Variants in PARD3B observed in about 807,000 individuals in gnomAD.
PARD3B encodes par-3 family cell polarity regulator beta.
In PARD3B, 103 loss-of-function variants were observed where a neutral mutation model predicts 130.2. That is an observed-to-expected ratio of 0.79 (90% confidence interval 0.67 to 0.93). The LOEUF (loss-of-function observed/expected upper bound fraction) is 0.93, where lower values mean the gene tolerates loss of function less well. PARD3B is among the 40% of genes least tolerant of loss of function. The pLI, the probability that PARD3B is intolerant of heterozygous loss-of-function variation, is 0.00. For synonymous variants in PARD3B, 583 were observed against 553.2 expected, an observed-to-expected ratio of 1.05 and a Z score of -0.76; for missense variants, 1,609 against 1,499.2, an observed-to-expected ratio of 1.07 and a Z score of -1.21.
At chr2:204,825,793 C>T (rs2043546936) in intron 2 of PARD3B, among the ~76,000 whole-genome samples, 1 of 152,202 alleles carries the variant, frequency 6.6e-6, no homozygotes, top group South Asian at 2.1e-4. Context: ...TCATCCTAAT[C>T]CAGCTGAGGA....
intron 2 of PARD3B, among the ~76,000 whole-genome samples, chr2:204,822,236 A>G (rs1347545553): frequency 6.6e-6 from 1 of 152,208 alleles, no homozygotes. Context: ...GATGTGGTAG[A>G]AATAGCAAGA....
chr2:204,847,734 C>T lies in PARD3B; in HGVS notation c.223-117418C>T, dbSNP rs539358742. Reference sequence around the variant, plus strand: ...AAGTAACCCTCATTTTACTTAATAACGTCCCTGAAGCATAAGTGTAGTGTT... The same window carrying T: ...AAGTAACCCTCATTTTACTTAATAATGTCCCTGAAGCATAAGTGTAGTGTT... On this transcript the variant is annotated intron_variant, in intron 2 of 22. Transcript: ENST00000406610. Among the ~76,000 whole-genome samples the T allele has an allele frequency of 3.5e-4, 54 of 152,194 alleles. 1 individual carries two copies. Among genetic ancestry groups the T allele is most frequent in the African/African-American group, 1.3e-3 (52 of 41,546 alleles).
chr2:205,391,748 C>A (rs559783136), intron 18 of PARD3B, among the ~76,000 whole-genome samples: 1 of 152,258 alleles, frequency 6.6e-6, no homozygotes, highest in South Asian at 2.1e-4. Flanking sequence ...TTTTTAGAGT[C>A]CCTGTTTGGA....
chr2:205,380,244 TTA>T (rs1298551512), intron 18 of PARD3B, among the ~76,000 whole-genome samples: 1 of 68,466 alleles, frequency 1.5e-5, no homozygotes, highest in Non-Finnish European at 2.6e-5. Context: ...AGAATATATA[TTA>T]TATATAATAT....
chr2:204,830,498 A>ATAATGTTTATATAGTGAAGAAGAT (rs2043776931), intron 2 of PARD3B, among the ~76,000 whole-genome samples: 2 of 152,366 alleles, frequency 1.3e-5, no homozygotes, highest in East Asian at 3.9e-4. Flanking sequence ...GAAAATTAGC[A>ATAATGTTTATATAGTGAAGAAGAT]TAATGTTTAT....
At chr2:204,796,307 AAT>A (rs1488522065) in intron 2 of PARD3B, among the ~76,000 whole-genome samples, 8 of 152,216 alleles carry the variant, frequency 5.3e-5, no homozygotes, top group Non-Finnish European at 1.2e-4. Context: ...AAGCAGGGAA[AAT>A]ATCATAGATG....
intron 20 of PARD3B, among the ~76,000 whole-genome samples, chr2:205,488,073 G>A (rs979827160): frequency 2.6e-5 from 4 of 151,980 alleles, no homozygotes; most frequent in African/African-American, 9.7e-5. Context: ...TTGGACCGTC[G>A]AGTCCTTTGA....
intron 18 of PARD3B, among the ~76,000 whole-genome samples, chr2:205,355,705 C>A (rs910962758): frequency 6.6e-6 from 1 of 152,090 alleles, no homozygotes; most frequent in Non-Finnish European, 1.5e-5. Context: ...TATAAAAAAA[C>A]TGCCCAAGAC....
Position 205,440,807 on chromosome 2 carries a change from T to A in PARD3B, c.3044+135T>A. On this transcript the variant is annotated intron_variant, in intron 20 of 22. Coordinates refer to ENST00000406610, the MANE Select transcript of PARD3B (RefSeq NM_001302769.2). This position sits in a 1 kb window ranked among gnomAD's most constrained non-coding sequence, Gnocchi z 4.2. ...GAGTCAGTACCCTAGACAAGTGCCA[T>A]CCTTTGACCGACCTGTAAGATATCC... 2.2e-6 allele frequency: 2 copies of A among 891,622 alleles called. No homozygotes were observed. The highest frequency in any genetic ancestry group is 3.4e-6 in the Non-Finnish European group (2 of 596,844). 55.2% of individuals were successfully genotyped at this position (891,622 alleles called of 1,614,324 possible).
intron 1 of PARD3B, among the ~76,000 whole-genome samples, chr2:204,626,859 C>A (rs1224027671): frequency 6.6e-6 from 1 of 151,954 alleles, no homozygotes; most frequent in Non-Finnish European, 1.5e-5. Flanking sequence ...CACAGGAACA[C>A]CCAAATGCCC....
Position 205,309,100 on chromosome 2 carries a change from G to C in PARD3B, c.2630+7399G>C, listed in dbSNP as rs2042287213. On this transcript the variant is annotated intron_variant, in intron 18 of 22. Coordinates refer to ENST00000406610, the MANE Select transcript of PARD3B (RefSeq NM_001302769.2). This position sits in a 1 kb window ranked among gnomAD's most constrained non-coding sequence, Gnocchi z 4.7. ...TTTTTGCAACTTATAAATATGGGAA[G>C]GTTATTTTTAAACCAACTCCACATA... Among the ~76,000 whole-genome samples the C allele has an allele frequency of 6.6e-6, 1 of 152,118 alleles. No homozygotes were observed. Among genetic ancestry groups the C allele is most frequent in the Admixed American group, 6.5e-5 (1 of 15,268 alleles).
At chr2:204,785,247 A>C (rs1176513452) in intron 2 of PARD3B, among the ~76,000 whole-genome samples, 1 of 152,172 alleles carries the variant, frequency 6.6e-6, no homozygotes, top group African/African-American at 2.4e-5. Flanking sequence ...TCCTTTCATC[A>C]TTGAAACTTC....
intron 18 of PARD3B, among the ~76,000 whole-genome samples, chr2:205,389,766 G>C (rs925278149): frequency 1.3e-5 from 2 of 152,164 alleles, no homozygotes; most frequent in Non-Finnish European, 2.9e-5. Flanking sequence ...AGATTAAGGA[G>C]GCCATAATTT....
At chr2:205,391,610 C>T (rs1012853834) in intron 18 of PARD3B, among the ~76,000 whole-genome samples, 1 of 152,132 alleles carries the variant, frequency 6.6e-6, no homozygotes, top group African/African-American at 2.4e-5. Context: ...CTCTTGACTA[C>T]CATGTTTTGA....
chr2:205,191,997 G>T (rs1373449773), intron 14 of PARD3B, among the ~76,000 whole-genome samples: 4 of 152,112 alleles, frequency 2.6e-5, no homozygotes, highest in Middle Eastern at 3.2e-3. Flanking sequence ...GGGACTACAG[G>T]TGCATGCCAC....
rs2125933940 is a variant in PARD3B, at chr2:205,253,609, T to G, written c.2185+7787T>G. On this transcript the variant is annotated intron_variant, in intron 16 of 22. Transcript: ENST00000406610. The surrounding 1 kb of genome is among the most constrained non-coding windows in gnomAD (Gnocchi z 4.4). ...CAGCAGAAAGACAGAGAAAGAAGCC[T>G]CCTTGGGGTTCCATTACCCACACTC... 1 of 382,066 alleles carries G rather than the reference T, an allele frequency of 2.6e-6. No homozygotes were observed. Among genetic ancestry groups the G allele is most frequent in the East Asian group, 6.4e-5 (1 of 15,714 alleles). 23.7% of individuals were successfully genotyped at this position (382,066 alleles called of 1,614,324 possible). A position where few individuals can be genotyped will look rare whatever the true frequency, so the allele number is the denominator to read the frequency against.
intron 5 of PARD3B, among the ~76,000 whole-genome samples, chr2:205,108,919 A>G (rs750250630): frequency 4.6e-5 from 7 of 152,164 alleles, no homozygotes; most frequent in Non-Finnish European, 7.3e-5. Context: ...GTATCAGTAC[A>G]TGATATAATG....
intron 10 of PARD3B, among the ~76,000 whole-genome samples, chr2:205,148,288 A>G (rs746895287): frequency 6.6e-6 from 1 of 152,182 alleles, no homozygotes; most frequent in Admixed American, 6.5e-5. Context: ...ATTTAGTATA[A>G]TAAAAATGAT....
intron 3 of PARD3B, among the ~76,000 whole-genome samples, chr2:204,988,982 A>G (rs1432832502): frequency 6.6e-6 from 1 of 152,214 alleles, no homozygotes; most frequent in Non-Finnish European, 1.5e-5. Context: ...GGTACTGTTC[A>G]TGTTCTAGGC....
Sources: allele counts gnomAD v4.1 joint callset (sites outside exome capture counted in the v4.1 genomes callset), GRCh38; gene constraint gnomAD v4.1.1; non-coding constraint Gnocchi (gnomAD v3.1); transcripts MANE v1.5; gene names NCBI Gene and HGNC (gene_info 2026-07-23, HGNC 2026-07-21).